SOX5: variants seen among roughly 807,000 people sequenced by gnomAD.
SOX5 encodes transcription factor SOX-5.
In SOX5, 9 loss-of-function variants were observed where a neutral mutation model predicts 92.0. That is an observed-to-expected ratio of 0.10 (90% CI 0.06 to 0.17). The LOEUF (loss-of-function observed/expected upper bound fraction) is 0.17. SOX5 is among the 10% of genes least tolerant of loss of function. The pLI is 1.00. For missense variants in SOX5, 642 were observed against 944.5 expected (o/e 0.68, Z 4.20); for synonymous variants, 344 against 336.3 (o/e 1.02, Z -0.25).
intron 4 of SOX5, among the ~76,000 whole-genome samples, chr12:24,145,239 T>C (rs1045986166): frequency 6.6e-6 from 1 of 152,052 alleles, no homozygotes; most frequent in African/African-American, 2.4e-5. Flanking sequence ...AATGTAATTA[T>C]AAAAAAATTA....
At chr12:24,142,242 G>A (rs968204322) in intron 4 of SOX5, among the ~76,000 whole-genome samples, 4 of 152,116 alleles carry the variant, frequency 2.6e-5, no homozygotes, top group Admixed American at 6.6e-5. Context: ...CAGCACTCCC[G>A]CTTCTCCTCA....
At position 24,373,478 on chromosome 12, in the gene SOX5, C is replaced by A. The variant is rs895999816; in HGVS notation, c.-250-4839G>T. On this transcript the variant is annotated intron_variant, in intron 1 of 4. Coordinates refer to the SOX5 transcript ENST00000446891. ...CTTCAAAGAAATTTAGTTTCCTTTT[C>A]TTAAACATATGCAAGGTATAACAGG... 2.0e-5 allele frequency among the ~76,000 whole-genome samples: 3 copies of A among 152,078 alleles called. No homozygotes were observed. The East Asian group carries it at 5.8e-4, about 29-fold the overall frequency.
chr12:24,044,945 T>G (rs142022256), intron 4 of SOX5, among the ~76,000 whole-genome samples: 54 of 152,332 alleles, frequency 3.5e-4, no homozygotes, highest in African/African-American at 1.2e-3. Flanking sequence ...TCTAACTGTT[T>G]TTAAAATATT....
At chr12:23,777,829 G>A (rs1249452009) in intron 3 of SOX5, among the ~76,000 whole-genome samples, 5 of 152,142 alleles carry the variant, frequency 3.3e-5, no homozygotes, top group South Asian at 2.1e-4. Context: ...CACCTTCAAC[G>A]TACTTGCACT....
chr12:24,470,856 T>A (rs1407805501), intron 1 of SOX5, among the ~76,000 whole-genome samples: 1 of 152,160 alleles, frequency 6.6e-6, no homozygotes, highest in Non-Finnish European at 1.5e-5. Context: ...CTATGAAGTT[T>A]AAACATGGTA....
At chr12:24,544,584 A>G (rs373410471) in intron 1 of SOX5, among the ~76,000 whole-genome samples, 1 of 152,274 alleles carries the variant, frequency 6.6e-6, no homozygotes, top group East Asian at 1.9e-4. Flanking sequence ...AGTCATTATG[A>G]CCCTGGCTAA....
At chr12:23,960,578 TAAG>T (rs1225488500) in intron 4 of SOX5, among the ~76,000 whole-genome samples, 2 of 144,802 alleles carry the variant, frequency 1.4e-5, no homozygotes, top group Non-Finnish European at 3.0e-5. Flanking sequence ...AAAGGATTAC[TAAG>T]AACCTGAAGT....
intron 1 of SOX5, among the ~76,000 whole-genome samples, chr12:24,417,402 T>A (rs1041365958): frequency 1.3e-5 from 2 of 152,352 alleles, no homozygotes; most frequent in Admixed American, 1.3e-4. Flanking sequence ...AAGTGCTTAA[T>A]AAATGTGAGC....
intron 3 of SOX5, among the ~76,000 whole-genome samples, chr12:23,791,930 C>T (rs1328888449): frequency 2.0e-5 from 3 of 151,246 alleles, no homozygotes; most frequent in African/African-American, 7.3e-5. Context: ...TATAGAATAC[C>T]TATAGACAAG....
rs1955424370 is a variant in SOX5 at position 24,030,852 on chromosome 12, A to G, written c.-1-134828T>C. ...AATTAAAATAGCTCATAGCAACAAG[A>G]CAAATCATCAAGTTTAAAAAATAGG... On this transcript the variant is annotated intron_variant, in intron 4 of 4. Transcript: ENST00000446891. Among the ~76,000 whole-genome samples, 3 of 152,050 alleles carry G rather than the reference A, an allele frequency of 2.0e-5. No homozygotes were observed. In the South Asian group the frequency reaches 6.2e-4, roughly 31 times the overall value.
intron 4 of SOX5, among the ~76,000 whole-genome samples, chr12:23,970,272 C>T (rs766127932): frequency 6.0e-5 from 9 of 150,906 alleles, no homozygotes; most frequent in Non-Finnish European, 8.8e-5. Flanking sequence ...AGATATAATT[C>T]GCATATAGAA....
chr12:24,078,861 C>A (rs537652829), intron 4 of SOX5, among the ~76,000 whole-genome samples: 1 of 152,036 alleles, frequency 6.6e-6, no homozygotes, highest in South Asian at 2.1e-4. Flanking sequence ...ATTTCTGAAC[C>A]AAACCTCTCA....
At chr12:24,549,306 T>A (rs1183738690) in intron 1 of SOX5, among the ~76,000 whole-genome samples, 1 of 152,232 alleles carries the variant, frequency 6.6e-6, no homozygotes, top group East Asian at 1.9e-4. Context: ...TAATTGCTTG[T>A]GTGCAAAGTG....
At chr12:23,595,838 A>G (rs989802243) in intron 9 of SOX5, among the ~76,000 whole-genome samples, 2 of 152,138 alleles carry the variant, frequency 1.3e-5, no homozygotes, top group Non-Finnish European at 2.9e-5. Flanking sequence ...TATTCCAGTT[A>G]TGAGCACACT....
intron 1 of SOX5, among the ~76,000 whole-genome samples, chr12:23,925,849 C>T (rs1939791725): frequency 6.6e-6 from 1 of 151,980 alleles, no homozygotes; most frequent in Non-Finnish European, 1.5e-5. Context: ...TTTCACTTAA[C>T]CCTTACAATC....
chr12:23,947,949 T>C (rs1467701722), intron 1 of SOX5, among the ~76,000 whole-genome samples: 1 of 152,098 alleles, frequency 6.6e-6, no homozygotes. Context: ...GCAAAAAGTA[T>C]AATTAGAATT....
At chr12:24,433,506 A>C (rs1938781289) in intron 1 of SOX5, among the ~76,000 whole-genome samples, 1 of 152,212 alleles carries the variant, frequency 6.6e-6, no homozygotes, top group Non-Finnish European at 1.5e-5. Context: ...ACATTTGATT[A>C]AAGGTAATGG....
intron 3 of SOX5, among the ~76,000 whole-genome samples, chr12:24,255,322 C>A (rs897464238): frequency 6.6e-6 from 1 of 152,140 alleles, no homozygotes; most frequent in Non-Finnish European, 1.5e-5. Context: ...TGGATTAATT[C>A]TTAGGAAAAT....
At chr12:23,944,126 T>A (rs1008177592) in intron 1 of SOX5, 2 of 152,098 alleles carry the variant, frequency 1.3e-5, no homozygotes, top group African/African-American at 4.8e-5. Flanking sequence ...TCTGTTTGTT[T>A]ACTACATTCT....
Sources: allele counts gnomAD v4.1 joint callset (sites outside exome capture counted in the v4.1 genomes callset), GRCh38; gene constraint gnomAD v4.1.1; transcripts MANE v1.5; gene names NCBI Gene and HGNC (gene_info 2026-07-23, HGNC 2026-07-21).